Variants in PITPNM1 observed in about 807,000 individuals in gnomAD.
PITPNM1 encodes membrane-associated phosphatidylinositol transfer protein 1.
Under a neutral mutation model 133.3 loss-of-function variants are expected in PITPNM1, and 74 were observed. The observed-to-expected ratio is 0.56, with a 90% CI of 0.46 to 0.67. The LOEUF is 0.67. PITPNM1 is among the 30% of genes least tolerant of loss of function. The pLI is 0.00. For synonymous variants in PITPNM1, 738 were observed against 741.4 expected, an observed-to-expected ratio of 1.00 and a Z score of 0.08; for missense variants, 1,398 against 1,739.5, an observed-to-expected ratio of 0.80 and a Z score of 3.49.
intron 5 of PITPNM1, 126 bp downstream of exon 5, chr11:67,501,736 C>G: frequency 1.2e-6 from 1 of 827,468 alleles, no homozygotes. Flanking sequence ...CCCTAGTGCT[C>G]CCCACCTCAA....
In PITPNM1 at chr11:67,495,523, G is replaced by T. The variant is rs768340461; in HGVS notation, c.2397C>A (p.Ser799Arg). Residue 799 changes from serine (S) to arginine (R), a missense_variant, in exon 16 of 24, where the codon AGC (serine) becomes AGA (arginine). Ser to Arg is a moderately radical substitution (Grantham distance 110). Coordinates refer to ENST00000356404, the MANE Select transcript of PITPNM1 (RefSeq NM_004910.3). ...MLVPSTPTST[S>R]GAFWKGSELA... ...ACTCACTGCCCTTCCAGAAGGCACC[G>T]CTAGTAGAGGTGGGTGTTGAGGGCA... The T allele has an allele frequency of 1.2e-5, 19 of 1,587,546 alleles. No individual in the cohort carries two copies. Among genetic ancestry groups the T allele is most frequent in the South Asian group, 2.3e-5 (2 of 87,434 alleles).
chr11:67,501,322 T>C (rs1800303311), intron 5 of PITPNM1, among the ~76,000 whole-genome samples: 1 of 152,222 alleles, frequency 6.6e-6, no homozygotes, highest in African/African-American at 2.4e-5. Flanking sequence ...CGCTGGTCTC[T>C]CCAACTAGGG....
chr11:67,492,358 A>G, intron 23 of PITPNM1, 62 bp from the exon 24 acceptor site: 1 of 1,460,466 alleles, frequency 6.8e-7, no homozygotes. Flanking sequence ...GCTGCCCTCC[A>G]CGGTCCTCCA....
intron 15 of PITPNM1, 62 bp from the exon 16 acceptor site, chr11:67,495,664 A>G: frequency 2.1e-6 from 3 of 1,443,290 alleles, no homozygotes; most frequent in South Asian, 2.9e-5. Context: ...CTTCTCACCC[A>G]GGGCTCCCCG....
In PITPNM1 at chr11:67,495,600, C is replaced by G. The variant is rs546210969; in HGVS notation, c.2320G>C (p.Asp774His). ...AGGCTGGAGTGCGTCTGCAGAGTGT[C>G]GGCTGGGGGAAGGAGGGCAAGGTCA... ...LGDGSSLLLA[D>H]TLQTHSSLFL... The change falls in exon 16 of 24, where the codon GAC (aspartate) becomes CAC (histidine). Residue 774 changes from aspartate to histidine, a missense_variant and splice_region_variant. Coordinates refer to ENST00000356404, the MANE Select transcript of PITPNM1 (RefSeq NM_004910.3). The G allele has an allele frequency of 6.4e-7, 1 of 1,561,972 alleles. No individual in the cohort carries two copies. Among genetic ancestry groups the G allele is most frequent in the South Asian group, 1.2e-5 (1 of 83,972 alleles).
rs1865936897 is a variant in PITPNM1 at position 67,491,932 on chromosome 11, A to G, written c.*101T>C. On this transcript the variant is annotated 3_prime_UTR_variant, in exon 24 of 24. Coordinates refer to ENST00000356404, the MANE Select transcript of PITPNM1 (RefSeq NM_004910.3). ...TATAGGGTGTGGGGCTGGGGGGGCC[A>G]GCGCTGGGGCCAAAAGTCTGGGTCC... 1 of 1,345,288 alleles carries G rather than the reference A, an allele frequency of 7.4e-7. No homozygotes were observed. Among genetic ancestry groups the G allele is most frequent in the South Asian group, 1.4e-5 (1 of 73,678 alleles). 83.3% of individuals were successfully genotyped at this position (1,345,288 alleles called of 1,614,324 possible).
rs1866005983 is a variant in PITPNM1 at position 67,493,550 on chromosome 11, G to T, written c.3202C>A (p.Arg1068=). ...SGYLIVYVTG[R]PDMQKHRVVA... is the part of the protein sequence containing the mutation. ...ACGCGGTGCTTCTGCATATCCGGCC[G>T]GCCTGTGACATACACGATCAGGTAG... is the stretch of plus-strand genomic sequence containing the variant. The change falls in exon 22 of 24, where the codon CGG becomes AGG. Residue 1068 remains arginine, a synonymous_variant. Coordinates refer to ENST00000356404, the MANE Select transcript of PITPNM1 (RefSeq NM_004910.3). 1.3e-6 allele frequency: 2 copies of T among 1,569,558 alleles called. No individual in the cohort carries two copies. The highest frequency in any genetic ancestry group is 1.7e-6 in the Non-Finnish European group (2 of 1,157,056).
rs780214662 is a variant in PITPNM1 at position 67,498,052 on chromosome 11, A to T, written c.1675-28T>A. On this transcript the variant is annotated intron_variant, in intron 11 of 23. Transcript: ENST00000356404. The surrounding 1 kb of genome is among the most constrained non-coding windows in gnomAD (Gnocchi z 5.7). ...GGGTGGGAGCAGGGGCACCATCAGG[A>T]GAGGCCTTGTCCTCACCCAGGCCAG... The T allele has an allele frequency of 7.5e-6, 12 of 1,607,278 alleles. No individual in the cohort carries two copies. The highest frequency in any genetic ancestry group is 1.0e-5 in the Non-Finnish European group (12 of 1,178,020).
In PITPNM1 at chr11:67,498,564, G is replaced by A. The variant is rs576415886; in HGVS notation, c.1484+32C>T. ...GCCCCGCTCCCTGGCCTGATCCTAC[G>A]AGTTCCCTGCCCTTCCACCCGTGGC... On this transcript the variant is annotated intron_variant, in intron 10 of 23. Coordinates refer to ENST00000356404, the MANE Select transcript of PITPNM1 (RefSeq NM_004910.3). The surrounding 1 kb of genome is among the most constrained non-coding windows in gnomAD (Gnocchi z 5.7). 23 of 1,587,410 alleles carry A rather than the reference G, an allele frequency of 1.4e-5. No homozygotes were observed. The highest frequency in any genetic ancestry group is 1.1e-4 in the East Asian group (5 of 44,686).
Position 67,499,937 on chromosome 11 carries a change from T to C in PITPNM1, c.1040A>G (p.Glu347Gly), listed in dbSNP as rs1396102095. The C allele has an allele frequency of 6.2e-7, 1 of 1,612,304 alleles. No homozygotes were observed. The highest frequency in any genetic ancestry group is 1.7e-5 in the Admixed American group (1 of 60,006). ...NIARDSENSS[E>G]EEFFDAHEGF... is the part of the protein sequence containing the mutation. ...ACCGTGGGCATCAAAGAACTCTTCC[T>C]CGGAGCTGTTCTCAGAGTCTCGGGC... Residue 347 changes from glutamate (E) to glycine (G), a missense_variant, in exon 7 of 24, where the codon GAG becomes GGG. By Grantham distance (98) the Glu-to-Gly change is moderately conservative. Coordinates refer to ENST00000356404, the MANE Select transcript of PITPNM1 (RefSeq NM_004910.3).
chr11:67,496,291 G>C lies in PITPNM1; in HGVS notation c.2204C>G (p.Pro735Arg), dbSNP rs778422062. 6.3e-7 allele frequency: 1 copy of C among 1,579,858 alleles called. No individual in the cohort carries two copies. The highest frequency in any genetic ancestry group is 1.2e-5 in the South Asian group (1 of 86,292). ...CAGGGGCTCGAGGCGTGAGGCGCAG[G>C]GGTCAGCCGCGTGGAAGAGGTTGTA... Reference protein sequence around the residue: ...QIYNLFHAADPCASRLEPLLA... With the variant: ...QIYNLFHAADRCASRLEPLLA... Residue 735 changes from proline (P) to arginine (R), a missense_variant, in exon 15 of 24, where the codon CCC (proline) becomes CGC (arginine). Transcript: ENST00000356404.
Position 67,493,557 on chromosome 11 carries a change from G to A in PITPNM1, c.3195C>T (p.Val1065=). The A allele has an allele frequency of 6.4e-7, 1 of 1,562,770 alleles. No individual in the cohort carries two copies. The highest frequency in any genetic ancestry group is 8.7e-7 in the Non-Finnish European group (1 of 1,153,044). The change falls in exon 22 of 24, where the codon GTC becomes GTT. Residue 1065 remains valine, a synonymous_variant. Transcript: ENST00000356404. ...GCTTCTGCATATCCGGCCGGCCTGT[G>A]ACATACACGATCAGGTAGCCGGAGT... ...WQDSGYLIVY[V]TGRPDMQKHR...
At position 67,502,849 on chromosome 11, in the gene PITPNM1, C is replaced by T. The variant is rs118184587; in HGVS notation, c.79-131G>A. The T allele has an allele frequency of 3.5e-3, 2,936 of 841,894 alleles. 10 individuals carry two copies. The highest frequency in any genetic ancestry group is 4.5e-3 in the Non-Finnish European group (2,449 of 547,408). 52.2% of individuals were successfully genotyped at this position (841,894 alleles called of 1,614,324 possible). ...CTTTTCAACTCCCTGAAACCAGACCCCGCCCCACCAAAGCTCCCTGGGATC... is the reference window on the plus strand; with the variant it reads ...CTTTTCAACTCCCTGAAACCAGACCTCGCCCCACCAAAGCTCCCTGGGATC... On this transcript the variant is annotated intron_variant, in intron 2 of 23. Transcript: ENST00000356404. This position sits in a 1 kb window ranked among gnomAD's most constrained non-coding sequence, Gnocchi z 5.9.
chr11:67,495,348 C>T, intron 16 of PITPNM1, 90 bp downstream of exon 16: 1 of 1,461,862 alleles, frequency 6.8e-7, no homozygotes, highest in Non-Finnish European at 9.1e-7. Flanking sequence ...AGGCTGTGTG[C>T]TGGGGGAAAG....
At chr11:67,496,392 A>T in intron 14 of PITPNM1, 44 bp from the exon 15 acceptor site, 2 of 1,534,970 alleles carry the variant, frequency 1.3e-6, no homozygotes, top group Non-Finnish European at 8.7e-7. Context: ...TCAGGGTTTC[A>T]GCTGGGCACT....
rs1302939339 is a variant in PITPNM1, at chr11:67,505,296, G to T, written c.-150C>A. On this transcript the variant is annotated 5_prime_UTR_variant, in exon 1 of 24. Transcript: ENST00000356404. This position sits in a 1 kb window ranked among gnomAD's most constrained non-coding sequence, Gnocchi z 5.8. ...CGGCCTCGGGTTCCAGCGGTGGCCG[G>T]ACCCTCCCGAGGCGCAGTGCCGGCC... 1 of 151,808 alleles carries T rather than the reference G, an allele frequency of 6.6e-6. No individual in the cohort carries two copies. The highest frequency in any genetic ancestry group is 2.4e-5 in the African/African-American group (1 of 41,358). 9.4% of individuals were successfully genotyped at this position (151,808 alleles called of 1,614,324 possible).
At chr11:67,494,138 G>T in intron 19 of PITPNM1, 68 bp from the exon 20 acceptor site, 1 of 1,575,496 alleles carries the variant, frequency 6.3e-7, no homozygotes, top group Non-Finnish European at 8.7e-7. Flanking sequence ...CGGGGCTGTC[G>T]TCGGGGATGG....
At position 67,497,399 on chromosome 11, in the gene PITPNM1, G is replaced by A. The variant is rs1424812535; in HGVS notation, c.1978C>T (p.Pro660Ser). The change falls in exon 14 of 24, where the codon CCC (proline) becomes TCC (serine). Residue 660 changes from proline (P) to serine (S), a missense_variant. By Grantham distance (74) the Pro-to-Ser change is moderately conservative. Coordinates refer to ENST00000356404, the MANE Select transcript of PITPNM1 (RefSeq NM_004910.3). ...AAPATTSSWEPRRASTAFCPP... is the reference protein window; with the variant it reads ...AAPATTSSWESRRASTAFCPP... ...CAGAAGGCCGTGCTTGCCCGCCGGG[G>A]CTCCCAGGAGGAGGTGGTTGCGGGG... 1 of 1,590,858 alleles carries A rather than the reference G, an allele frequency of 6.3e-7. No individual in the cohort carries two copies. Among genetic ancestry groups the A allele is most frequent in the Admixed American group, 1.7e-5 (1 of 57,878 alleles).
In PITPNM1 at chr11:67,500,083, C is replaced by T; in HGVS notation, c.967+12G>A. Reference sequence around the variant, plus strand: ...GAGGGCCGTTCCTCCCATCCCTGTGCCCCAGCCTCACCTCCATGTTGGGAT... The same window carrying T: ...GAGGGCCGTTCCTCCCATCCCTGTGTCCCAGCCTCACCTCCATGTTGGGAT... On this transcript the variant is annotated intron_variant, in intron 6 of 23. Coordinates refer to ENST00000356404, the MANE Select transcript of PITPNM1 (RefSeq NM_004910.3). 1 of 1,598,858 alleles carries T rather than the reference C, an allele frequency of 6.3e-7. No individual in the cohort carries two copies. The highest frequency in any genetic ancestry group is 8.5e-7 in the Non-Finnish European group (1 of 1,169,896).
Sources: allele counts gnomAD v4.1 joint callset (sites outside exome capture counted in the v4.1 genomes callset), GRCh38; gene constraint gnomAD v4.1.1; non-coding constraint Gnocchi (gnomAD v3.1); transcripts MANE v1.5; gene names NCBI Gene and HGNC (gene_info 2026-07-23, HGNC 2026-07-21).